CSMD1: variants seen among roughly 807,000 people sequenced by gnomAD.
The protein encoded by CSMD1 is CUB and sushi domain-containing protein 1.
A neutral mutation model predicts 417.5 loss-of-function variants in CSMD1; 213 were observed. The observed-to-expected ratio is 0.51, with a 90% CI of 0.46 to 0.57. The LOEUF (loss-of-function observed/expected upper bound fraction) is 0.57, where lower values mean the gene tolerates loss of function less well. Ranked by LOEUF, CSMD1 falls within the 20% of genes least tolerant of loss-of-function variation. The pLI, the probability that CSMD1 is intolerant of heterozygous loss-of-function variation, is 0.00. For missense variants in CSMD1, 6,923 were observed against 4,529.7 expected, an observed-to-expected ratio of 1.53 and a Z score of -15.17; for synonymous variants, 2,862 against 1,736.8, an observed-to-expected ratio of 1.65 and a Z score of -16.11.
intron 1 of CSMD1, among the ~76,000 whole-genome samples, chr8:4,871,127 G>A (rs1431867487): frequency 6.6e-6 from 1 of 152,144 alleles, no homozygotes; most frequent in Non-Finnish European, 1.5e-5. Context: ...GGAGATAGGT[G>A]CAGCCGTGAT....
At chr8:3,826,246 G>A (rs1021548856) in intron 5 of CSMD1, among the ~76,000 whole-genome samples, 1 of 152,148 alleles carries the variant, frequency 6.6e-6, no homozygotes, top group Non-Finnish European at 1.5e-5. Context: ...GATGCATCTG[G>A]TCAGCCCAGG....
chr8:4,690,913 G>C (rs1304779863), intron 1 of CSMD1, among the ~76,000 whole-genome samples: 2 of 152,096 alleles, frequency 1.3e-5, no homozygotes, highest in Admixed American at 1.3e-4. Flanking sequence ...ATTTTTAGTA[G>C]AGGTGGGGTT....
chr8:3,855,463 G>C (rs953882048), intron 5 of CSMD1, among the ~76,000 whole-genome samples: 1 of 152,112 alleles, frequency 6.6e-6, no homozygotes. Flanking sequence ...TATTTTCATG[G>C]TGAAATGTGC....
rs541572876 is a variant in CSMD1, at chr8:3,823,169, T to A, written c.819-69127A>T. Among the ~76,000 whole-genome samples, 188 of 152,316 alleles carry A rather than the reference T, an allele frequency of 1.2e-3. 1 individual carries two copies. The highest frequency in any genetic ancestry group is 2.0e-3 in the Admixed American group (31 of 15,294). ...GGCTTGTGTCTTCATATCTTCTTTA[T>A]CTTTACCACATCAGAGAACTCACAG... On this transcript the variant is annotated intron_variant, in intron 5 of 69. Transcript: ENST00000635120.
intron 2 of CSMD1, among the ~76,000 whole-genome samples, chr8:4,453,665 C>G (rs1216332290): frequency 1.3e-5 from 2 of 152,050 alleles, no homozygotes; most frequent in African/African-American, 4.8e-5. Flanking sequence ...CCGACACCTG[C>G]AGGTCCCGCA....
chr8:3,591,926 C>A (rs2469365), intron 8 of CSMD1, among the ~76,000 whole-genome samples: 131,184 of 152,080 alleles, frequency 0.86, 56,921 homozygotes, highest in African/African-American at 0.9. Flanking sequence ...TAGACAGATA[C>A]ATAGATGGAT....
At chr8:3,846,726 T>TGACTCACTGCAACCTC (rs1296740204) in intron 5 of CSMD1, among the ~76,000 whole-genome samples, 33 of 152,248 alleles carry the variant, frequency 2.2e-4, no homozygotes, top group African/African-American at 7.5e-4. Context: ...GGTGCAACCT[T>TGACTCACTGCAACCTC]GACTCACTGC....
At chr8:3,225,050 T>C (rs1798416782) in intron 27 of CSMD1, among the ~76,000 whole-genome samples, 1 of 152,198 alleles carries the variant, frequency 6.6e-6, no homozygotes, top group South Asian at 2.1e-4. Context: ...AAAAAATATG[T>C]AGAAAAGAAA....
rs1004637688 is a variant in CSMD1, at chr8:4,105,322, T to C, written c.416-73223A>G. 4.9e-5 allele frequency among the ~76,000 whole-genome samples: 7 copies of C among 142,014 alleles called. No homozygotes were observed. The Admixed American group carries it at 5.1e-4, about 10-fold the overall frequency. 93.2% of individuals were successfully genotyped at this position (142,014 alleles called of 152,430 possible). ...TTTCATTGCTTTAGTGATCTTAATCTTGTAACACTTCTGAATTTTTTTTTT... is the reference window on the plus strand; with the variant it reads ...TTTCATTGCTTTAGTGATCTTAATCCTGTAACACTTCTGAATTTTTTTTTT... On this transcript the variant is annotated intron_variant, in intron 3 of 69. Transcript: ENST00000635120.
At chr8:4,183,928 G>C (rs935762131) in intron 3 of CSMD1, among the ~76,000 whole-genome samples, 3 of 152,136 alleles carry the variant, frequency 2.0e-5, no homozygotes, top group African/African-American at 7.2e-5. Flanking sequence ...CCACATGATA[G>C]TCTGGGAAAC....
At chr8:4,679,434 C>A (rs1023668026) in intron 1 of CSMD1, among the ~76,000 whole-genome samples, 13 of 152,096 alleles carry the variant, frequency 8.5e-5, no homozygotes, top group Non-Finnish European at 1.8e-4. Context: ...GTAATTCCGC[C>A]CTGTTTATTT....
chr8:3,472,225 T>G (rs1044147869), intron 11 of CSMD1, among the ~76,000 whole-genome samples: 1 of 152,106 alleles, frequency 6.6e-6, no homozygotes, highest in East Asian at 1.9e-4. Flanking sequence ...GTGCAAGGTA[T>G]GAAATCACTG....
intron 2 of CSMD1, among the ~76,000 whole-genome samples, chr8:4,619,961 T>A (rs115978516): frequency 0.013 from 1,946 of 152,168 alleles, 39 homozygotes; most frequent in African/African-American, 0.045. Context: ...GCTGAAGAAT[T>A]AGCATAGTGT....
At chr8:4,609,082 T>TG (rs1801034100) in intron 2 of CSMD1, among the ~76,000 whole-genome samples, 1 of 151,878 alleles carries the variant, frequency 6.6e-6, no homozygotes, top group African/African-American at 2.4e-5. Context: ...TTCAGGTTAC[T>TG]GAGTTTTAGT....
chr8:3,668,651 T>C (rs11984726), intron 7 of CSMD1, among the ~76,000 whole-genome samples: 6,019 of 152,068 alleles, frequency 0.04, 427 homozygotes, highest in African/African-American at 0.14. Flanking sequence ...GTGTGCAATA[T>C]AGAAGCTCAG....
chr8:4,457,487 T>C (rs895111807), intron 2 of CSMD1, among the ~76,000 whole-genome samples: 1 of 152,094 alleles, frequency 6.6e-6, no homozygotes, highest in African/African-American at 2.4e-5. Flanking sequence ...TACCTGTAGT[T>C]TTCTATAAGA....
chr8:3,230,181 G>A lies in CSMD1; in HGVS notation c.4204C>T (p.Arg1402Cys), dbSNP rs377400527. ...CCAGCCTCTCTGCTGTCTCCATAGC[G>A]GGTGCCATTTTGGGGCATACCTGGA... is the stretch of plus-strand genomic sequence containing the variant. Reference protein sequence around the residue: ...NDPGMPQNGTRYGDSREAGDT... With the variant: ...NDPGMPQNGTCYGDSREAGDT... Residue 1402 changes from arginine to cysteine, a missense_variant, in exon 27 of 70, where the codon CGC becomes TGC. Coordinates refer to ENST00000635120, the MANE Select transcript of CSMD1 (RefSeq NM_033225.6). The A allele has an allele frequency of 2.5e-6, 4 of 1,611,724 alleles. No individual in the cohort carries two copies. Among genetic ancestry groups the A allele is most frequent in the Non-Finnish European group, 3.4e-6 (4 of 1,178,880 alleles).
chr8:4,016,451 T>C (rs907218453), intron 4 of CSMD1, among the ~76,000 whole-genome samples: 9 of 152,122 alleles, frequency 5.9e-5, no homozygotes, highest in African/African-American at 2.2e-4. Context: ...CTTAGACGTC[T>C]CCAGGTCTCA....
intron 5 of CSMD1, among the ~76,000 whole-genome samples, chr8:3,932,865 A>C (rs1277543187): frequency 6.6e-6 from 1 of 150,452 alleles, no homozygotes; most frequent in Admixed American, 6.6e-5. Flanking sequence ...ACTATTGTGT[A>C]AAGTTAAATG....
Sources: gnomAD v4.1 joint callset for allele counts (sites outside exome capture counted in the v4.1 genomes callset) on GRCh38, gnomAD v4.1.1 for gene constraint, MANE v1.5 for transcripts, NCBI Gene and HGNC (gene_info 2026-07-23, HGNC 2026-07-21) for gene names.